RXRG: variants seen among roughly 807,000 people sequenced by gnomAD.
RXRG encodes the protein retinoid X receptor gamma, also known as retinoic acid receptor RXR-gamma.
In RXRG, 19 loss-of-function variants were observed where a neutral mutation model predicts 49.2. The ratio of observed to expected loss-of-function variants is 0.39; its 90% CI spans 0.27 to 0.57. RXRG has a LOEUF of 0.57. Ranked by LOEUF, RXRG falls within the 20% of genes least tolerant of loss-of-function variation. The pLI, the probability that RXRG is intolerant of heterozygous loss-of-function variation, is 0.64. For missense variants in RXRG, 452 were observed against 592.5 expected, an observed-to-expected ratio of 0.76 and a Z score of 2.46; for synonymous variants, 224 against 216.6, an observed-to-expected ratio of 1.03 and a Z score of -0.30.
In RXRG at chr1:165,424,371, T is replaced by C. The variant is rs7547537; in HGVS notation, c.297+4348A>G. On this transcript the variant is annotated intron_variant, in intron 2 of 9. Coordinates refer to ENST00000359842, the MANE Select transcript of RXRG (RefSeq NM_006917.5). Reference sequence around the variant, plus strand: ...CCTGAATTACCTAAGTGTATAATACTATCACCTGGGAATAATCCTAATAAT... The same window carrying C: ...CCTGAATTACCTAAGTGTATAATACCATCACCTGGGAATAATCCTAATAAT... Among the ~76,000 whole-genome samples the C allele has an allele frequency of 5.1e-3, 774 of 152,332 alleles. 6 individuals are homozygous for C. Among genetic ancestry groups the C allele is most frequent in the African/African-American group, 0.018 (747 of 41,574 alleles).
intron 4 of RXRG, among the ~76,000 whole-genome samples, chr1:165,416,344 G>T (rs1228240137): frequency 6.6e-6 from 1 of 152,088 alleles, no homozygotes; most frequent in South Asian, 2.1e-4. Context: ...GGGACAGAAA[G>T]CACCTTCTGA....
At chr1:165,444,351 T>C (rs183496865) in intron 1 of RXRG, among the ~76,000 whole-genome samples, 1 of 152,172 alleles carries the variant, frequency 6.6e-6, no homozygotes, top group African/African-American at 2.4e-5. Context: ...AAAAATCCAA[T>C]TAAAGGGAAA....
intron 1 of RXRG, among the ~76,000 whole-genome samples, chr1:165,441,657 TAAATG>T (rs1369809727): frequency 5.9e-5 from 9 of 152,220 alleles, no homozygotes; most frequent in South Asian, 4.1e-4. Context: ...GTGTGTTTGT[TAAATG>T]AAATGAGAGA....
Position 165,419,793 on chromosome 1 carries a change from G to A in RXRG, c.442+77C>T, listed in dbSNP as rs761382959. ...TAAAGGGCCATTTTCCTTTCATTGA[G>A]TACAAAGTATCCAGGCAGACAGTGA... On this transcript the variant is annotated intron_variant, in intron 3 of 9. Transcript: ENST00000359842. 80 of 1,333,908 alleles carry A rather than the reference G, an allele frequency of 6.0e-5. 1 individual carries two copies. The highest frequency in any genetic ancestry group is 8.0e-5 in the Non-Finnish European group (80 of 1,001,680). The allele number at this position is 1,333,908 out of a possible 1,614,324, so 82.6% of individuals were successfully genotyped here. A position where few individuals can be genotyped will look rare whatever the true frequency, so the allele number is the denominator to read the frequency against.
At position 165,429,018 on chromosome 1, in the gene RXRG, C is replaced by T. The variant is rs560261474; in HGVS notation, c.50-52G>A. 1.8e-4 allele frequency: 277 copies of T among 1,574,684 alleles called. 14 individuals are homozygous for T. In the Middle Eastern group the frequency reaches 3.7e-3, roughly 21 times the overall value. On this transcript the variant is annotated intron_variant, in intron 1 of 9. Transcript: ENST00000359842. ...GGAGGTTGGGGAACATGGAAAGGGG[C>T]CCTGGGGGACAGAGGCCTAGCCCCA...
At chr1:165,439,423 G>A (rs1238963362) in intron 1 of RXRG, among the ~76,000 whole-genome samples, 3 of 152,144 alleles carry the variant, frequency 2.0e-5, no homozygotes, top group Non-Finnish European at 2.9e-5. Context: ...CCTTCTCTGG[G>A]GGCTACATGA....
intron 6 of RXRG, 89 bp from the exon 7 acceptor site, chr1:165,409,779 A>G (rs1657883114): frequency 4.2e-6 from 5 of 1,186,854 alleles, no homozygotes; most frequent in Non-Finnish European, 5.5e-6. Context: ...ATTATCCCAC[A>G]TAACACAAGC....
chr1:165,439,905 A>G (rs1354069641), intron 1 of RXRG, among the ~76,000 whole-genome samples: 2 of 152,242 alleles, frequency 1.3e-5, no homozygotes, highest in Non-Finnish European at 1.5e-5. Flanking sequence ...TAAGAAATGC[A>G]TATTAGCTAA....
chr1:165,435,392 G>A (rs1159271705), intron 1 of RXRG, among the ~76,000 whole-genome samples: 1 of 152,170 alleles, frequency 6.6e-6, no homozygotes, highest in Non-Finnish European at 1.5e-5. Context: ...TGACAGGAAA[G>A]TGGAGCCACA....
At chr1:165,435,107 T>C (rs1658784281) in intron 1 of RXRG, among the ~76,000 whole-genome samples, 1 of 152,158 alleles carries the variant, frequency 6.6e-6, no homozygotes, top group Non-Finnish European at 1.5e-5. Flanking sequence ...TCAAAAGAAA[T>C]GTTCATTGGA....
At chr1:165,411,977 T>C (rs1056217450) in intron 4 of RXRG, among the ~76,000 whole-genome samples, 1 of 152,160 alleles carries the variant, frequency 6.6e-6, no homozygotes, top group Non-Finnish European at 1.5e-5. Context: ...TTAGAACACA[T>C]TTTTTACATC....
At chr1:165,434,429 G>A in intron 1 of RXRG, among the ~76,000 whole-genome samples, 1 of 152,184 alleles carries the variant, frequency 6.6e-6, no homozygotes, top group Non-Finnish European at 1.5e-5. Flanking sequence ...AAAGCAAAAT[G>A]TCAAGCATGC....
chr1:165,427,486 G>A (rs1410405437), intron 2 of RXRG, among the ~76,000 whole-genome samples: 1 of 152,148 alleles, frequency 6.6e-6, no homozygotes, highest in Non-Finnish European at 1.5e-5. Context: ...CCAAGCTGGA[G>A]TGCAGTGGCA....
At chr1:165,427,466 G>A (rs1189598723) in intron 2 of RXRG, among the ~76,000 whole-genome samples, 3 of 151,974 alleles carry the variant, frequency 2.0e-5, no homozygotes, top group Non-Finnish European at 2.9e-5. Context: ...ACGGAGTCTC[G>A]CTCTGTTGCC....
chr1:165,436,637 T>C (rs1286719800), intron 1 of RXRG, among the ~76,000 whole-genome samples: 3 of 152,120 alleles, frequency 2.0e-5, no homozygotes, highest in Non-Finnish European at 4.4e-5. Flanking sequence ...TTTTAACAAA[T>C]CATCCCAGGG....
intron 1 of RXRG, among the ~76,000 whole-genome samples, chr1:165,429,879 A>G (rs995385840): frequency 6.6e-6 from 1 of 152,170 alleles, no homozygotes; most frequent in Non-Finnish European, 1.5e-5. Context: ...GAGATGAAAC[A>G]GGAGAGTGCC....
chr1:165,429,065 C>G, intron 1 of RXRG, 99 bp from the exon 2 acceptor site: 1 of 1,356,886 alleles, frequency 7.4e-7, no homozygotes, highest in Non-Finnish European at 1.0e-6. Flanking sequence ...TGTATCCTGC[C>G]CCTCTTTTAG....
At chr1:165,435,417 A>G (rs1305303558) in intron 1 of RXRG, among the ~76,000 whole-genome samples, 1 of 152,144 alleles carries the variant, frequency 6.6e-6, no homozygotes, top group Non-Finnish European at 1.5e-5. Flanking sequence ...GATTGAGCAA[A>G]CTGCCCAAGA....
rs751323887 is a variant in RXRG, at chr1:165,444,890, A to G, written c.4T>C (p.Tyr2His). 13 of 1,613,976 alleles carry G rather than the reference A, an allele frequency of 8.1e-6. No homozygotes were observed. Among genetic ancestry groups the G allele is most frequent in the Non-Finnish European group, 1.1e-5 (13 of 1,179,900 alleles). Residue 2 changes from tyrosine to histidine, a missense_variant, in exon 1 of 10, where the codon TAT becomes CAT. Coordinates refer to ENST00000359842, the MANE Select transcript of RXRG (RefSeq NM_006917.5). ...TTCATGAAGTGAGAATAATTTCCAT[A>G]CATGTTTACTCGTCAGTTCATGTTC... is the stretch of plus-strand genomic sequence containing the variant. MYGNYSHFMKFP... is the reference protein window; with the variant it reads MHGNYSHFMKFP...
Sources: gnomAD v4.1 joint callset for allele counts (sites outside exome capture counted in the v4.1 genomes callset) on GRCh38, gnomAD v4.1.1 for gene constraint, MANE v1.5 for transcripts, NCBI Gene and HGNC (gene_info 2026-07-23, HGNC 2026-07-21) for gene names.